Variants in IPP observed in about 807,000 individuals in gnomAD.
IPP encodes the protein intracisternal A particle-promoted polypeptide, also known as actin-binding protein IPP.
Under a neutral mutation model 64.1 loss-of-function variants are expected in IPP, and 41 were observed. That is an observed-to-expected ratio of 0.64 (90% confidence interval 0.50 to 0.83). The LOEUF is 0.83. Among genes scored for constraint, IPP ranks in the 40% least tolerant of loss-of-function variants. IPP has a pLI of 0.00. For missense variants in IPP, 649 were observed against 703.0 expected, an observed-to-expected ratio of 0.92 and a Z score of 0.87; for synonymous variants, 214 against 235.2, an observed-to-expected ratio of 0.91 and a Z score of 0.83.
At chr1:45,721,052 A>T (rs1213819335) in intron 5 of IPP, among the ~76,000 whole-genome samples, 2 of 152,214 alleles carry the variant, frequency 1.3e-5, no homozygotes, top group Non-Finnish European at 1.5e-5. Context: ...TAAAAGATGA[A>T]GCAGCACAGT....
intron 6 of IPP, among the ~76,000 whole-genome samples, chr1:45,717,344 T>C (rs1645674773): frequency 6.6e-6 from 1 of 151,864 alleles, no homozygotes; most frequent in South Asian, 2.1e-4. Flanking sequence ...GAAAAGATGG[T>C]ATTTTGCAAA....
intron 6 of IPP, among the ~76,000 whole-genome samples, chr1:45,718,762 A>G (rs952906197): frequency 2.0e-5 from 3 of 152,208 alleles, no homozygotes; most frequent in Admixed American, 6.5e-5. Context: ...TAAACATTGC[A>G]TATTCTCACT....
intron 6 of IPP, among the ~76,000 whole-genome samples, chr1:45,717,236 A>G (rs1333908646): frequency 6.6e-6 from 1 of 151,672 alleles, no homozygotes; most frequent in African/African-American, 2.4e-5. Flanking sequence ...AAAAAAAAAA[A>G]AAAAAAAAGG....
intron 1 of IPP, among the ~76,000 whole-genome samples, chr1:45,749,583 C>G (rs1486151594): frequency 6.9e-6 from 1 of 145,930 alleles, no homozygotes; most frequent in African/African-American, 2.5e-5. Flanking sequence ...TGCAGTGGCA[C>G]GATCTCGGCT....
rs1166095455 is a variant in IPP at position 45,712,274 on chromosome 1, CT to C, written c.1530+1971del. ...CCAAGTTTGCAGTGAGCTGAGCAGCCTGGTGACTGAGCAAGACGACGTCTAA... is the reference window on the plus strand; with the variant it reads ...CCAAGTTTGCAGTGAGCTGAGCAGCCGGTGACTGAGCAAGACGACGTCTAA... On this transcript the variant is annotated intron_variant, in intron 8 of 8. Transcript: ENST00000396478. Among the ~76,000 whole-genome samples the C allele has an allele frequency of 2.8e-5, 4 of 143,756 alleles. No individual in the cohort carries two copies. In the East Asian group the frequency reaches 8.3e-4, roughly 30 times the overall value. The allele number at this position is 143,756 out of a possible 152,430, so 94.3% of individuals were successfully genotyped here.
intron 4 of IPP, among the ~76,000 whole-genome samples, chr1:45,729,389 A>C (rs776701092): frequency 1.3e-5 from 2 of 152,218 alleles, no homozygotes; most frequent in African/African-American, 4.8e-5. Context: ...TCAAAGGTTT[A>C]GATCACAGAA....
In IPP at chr1:45,709,597, C is replaced by A. The variant is rs557547443; in HGVS notation, c.1530+4649G>T. On this transcript the variant is annotated intron_variant, in intron 8 of 8. Transcript: ENST00000396478. Reference sequence around the variant, plus strand: ...CGGTGGTTCACGCCTGTAATCCCAACACTTTGGGAGGCTGAGGAGGGCAGA... The same window carrying A: ...CGGTGGTTCACGCCTGTAATCCCAAAACTTTGGGAGGCTGAGGAGGGCAGA... Among the ~76,000 whole-genome samples the A allele has an allele frequency of 5.3e-5, 8 of 151,242 alleles. No homozygotes were observed. The South Asian group carries it at 1.3e-3, about 24-fold the overall frequency.
chr1:45,704,512 C>T (rs1471588797), intron 8 of IPP, among the ~76,000 whole-genome samples: 2 of 151,966 alleles, frequency 1.3e-5, no homozygotes, highest in Non-Finnish European at 2.9e-5. Context: ...CTGGGATTAC[C>T]GGCGTGAGAC....
At position 45,732,010 on chromosome 1, in the gene IPP, T is replaced by G. The variant is rs568359473; in HGVS notation, c.725-2241A>C. Among the ~76,000 whole-genome samples the G allele has an allele frequency of 8.6e-5, 13 of 151,674 alleles. No individual in the cohort carries two copies. In the East Asian group the frequency reaches 2.5e-3, roughly 29 times the overall value. ...TGAAGAATTCAGTCAGAAGAAAACA[T>G]CAGCTACAAATAGACAGACTCCTCG... On this transcript the variant is annotated intron_variant, in intron 3 of 8. Transcript: ENST00000396478.
Position 45,700,202 on chromosome 1 carries a change from A to AG in IPP, c.1531-13dup, listed in dbSNP as rs1252288308. ...TCAACCCACTTTTCCTGGTTAAGAG[A>AG]GAAAAAAAAAATATGTTAGCAGTGT... is the stretch of plus-strand genomic sequence containing the variant. On this transcript the variant is annotated splice_polypyrimidine_tract_variant and intron_variant, in intron 8 of 8. Coordinates refer to ENST00000396478, the MANE Select transcript of IPP (RefSeq NM_005897.3). 2 of 1,577,978 alleles carry AG rather than the reference A, an allele frequency of 1.3e-6. No individual in the cohort carries two copies. The highest frequency in any genetic ancestry group is 1.1e-5 in the South Asian group (1 of 87,788).
Position 45,729,615 on chromosome 1 carries a change from T to G in IPP, c.879A>C (p.Val293=). Residue 293 remains valine, a splice_region_variant and synonymous_variant, in exon 4 of 9, where the codon GTA becomes GTC. Transcript: ENST00000396478. ...TTACTTTTTTAAGGGCTCTCTCACC[T>G]ACTGCATACAGGTACTTTCTTGCTT... ...RKKARKYLYA[V]GGYTRLQGGR... is the part of the protein sequence containing the mutation. 1 of 1,607,640 alleles carries G rather than the reference T, an allele frequency of 6.2e-7. No homozygotes were observed.
chr1:45,745,058 C>T (rs548013742), intron 2 of IPP, among the ~76,000 whole-genome samples: 83 of 152,126 alleles, frequency 5.5e-4, no homozygotes, highest in South Asian at 1.2e-3. Context: ...GAGACCCTGT[C>T]TCAAACAAAA....
At chr1:45,737,189 C>T (rs1190329090) in intron 3 of IPP, among the ~76,000 whole-genome samples, 2 of 151,990 alleles carry the variant, frequency 1.3e-5, no homozygotes, top group Admixed American at 6.6e-5. Flanking sequence ...AGCTTTTGTC[C>T]CACTCCTAAA....
intron 3 of IPP, 127 bp downstream of exon 3, chr1:45,740,764 TAAAAAAAGAA>T (rs1252257641): frequency 5.3e-6 from 3 of 568,292 alleles, no homozygotes; most frequent in African/African-American, 3.8e-5. Context: ...CAATACATTT[TAAAAAAAGAA>T]AAAAAAAGAG....
At chr1:45,722,787 G>T (rs1645750805) in intron 5 of IPP, among the ~76,000 whole-genome samples, 1 of 152,096 alleles carries the variant, frequency 6.6e-6, no homozygotes, top group South Asian at 2.1e-4. Flanking sequence ...AACAAAATAT[G>T]ATTATTTCCA....
Position 45,747,834 on chromosome 1 carries a change from C to CAAAA in IPP, c.-50-1377_-50-1374dup, listed in dbSNP as rs60576414. Among the ~76,000 whole-genome samples, 240 of 39,294 alleles carry CAAAA rather than the reference C, an allele frequency of 6.1e-3. 21 individuals are homozygous for CAAAA. Among genetic ancestry groups the CAAAA allele is most frequent in the Non-Finnish European group, 6.8e-3 (156 of 22,946 alleles). 25.8% of individuals were successfully genotyped at this position (39,294 alleles called of 152,430 possible). On this transcript the variant is annotated intron_variant, in intron 1 of 8. Transcript: ENST00000396478. ...TGGGTAACAGAGCAAGACTCTGTCT[C>CAAAA]AAAAAAAAAAAAAAAAAAAAAAAAA...
At chr1:45,725,049 C>G (rs1235583499) in intron 5 of IPP, among the ~76,000 whole-genome samples, 1 of 138,602 alleles carries the variant, frequency 7.2e-6, no homozygotes, top group Non-Finnish European at 1.6e-5. Context: ...CCAGCCGCCC[C>G]GTCCGGGAGG....
At chr1:45,709,662 T>C (rs1645564173) in intron 8 of IPP, among the ~76,000 whole-genome samples, 1 of 136,376 alleles carries the variant, frequency 7.3e-6, no homozygotes, top group Non-Finnish European at 1.6e-5. Context: ...CCATCTCTAC[T>C]AAAAATACAA....
intron 3 of IPP, among the ~76,000 whole-genome samples, chr1:45,737,068 C>T (rs1420680012): frequency 1.4e-5 from 2 of 146,868 alleles, no homozygotes; most frequent in African/African-American, 5.0e-5. Flanking sequence ...AAAGAAAAAG[C>T]TGTAGGAAAA....
Sources: allele counts gnomAD v4.1 joint callset (sites outside exome capture counted in the v4.1 genomes callset), GRCh38; gene constraint gnomAD v4.1.1; transcripts MANE v1.5; gene names NCBI Gene and HGNC (gene_info 2026-07-23, HGNC 2026-07-21).